FOXP1: variants seen among roughly 807,000 people sequenced by gnomAD.
FOXP1 encodes the protein forkhead box protein P1.
Under a neutral mutation model 98.2 loss-of-function variants are expected in FOXP1, and 15 were observed. The observed-to-expected ratio is 0.15, with a 90% CI of 0.10 to 0.24. The LOEUF is 0.24. FOXP1 is among the 10% of genes least tolerant of loss of function. The pLI is 1.00. For missense variants in FOXP1, 633 were observed against 848.5 expected (o/e 0.75, Z 3.15); for synonymous variants, 371 against 314.5 (o/e 1.18, Z -1.90).
intron 3 of FOXP1, among the ~76,000 whole-genome samples, chr3:71,421,637 C>T (rs2083656104): frequency 6.6e-6 from 1 of 152,136 alleles, no homozygotes; most frequent in Non-Finnish European, 1.5e-5. Flanking sequence ...GACAGAGACA[C>T]CTGCGTAGTG....
chr3:71,357,488 T>A (rs2078242276), intron 4 of FOXP1, among the ~76,000 whole-genome samples: 1 of 152,202 alleles, frequency 6.6e-6, no homozygotes, highest in Admixed American at 6.5e-5. Context: ...ACAGCATGAT[T>A]TCGTAAAAGT....
intron 19 of FOXP1, 106 bp from the exon 20 acceptor site, chr3:70,966,162 A>T: frequency 3.0e-6 from 3 of 995,988 alleles, no homozygotes; most frequent in Non-Finnish European, 4.7e-6. Flanking sequence ...TAATTGTAGC[A>T]TGGCTGGCAA....
At chr3:70,976,824 TTAAGAG>T (rs1413444954) in intron 17 of FOXP1, 111 bp downstream of exon 17, 2 of 755,384 alleles carry the variant, frequency 2.6e-6, no homozygotes, top group African/African-American at 3.4e-5. Flanking sequence ...ATTGGACACT[TTAAGAG>T]TATCAAAACA....
chr3:71,413,107 T>C, intron 3 of FOXP1, among the ~76,000 whole-genome samples: 1 of 146,968 alleles, frequency 6.8e-6, no homozygotes, highest in African/African-American at 2.5e-5. Flanking sequence ...AACCGGCTAT[T>C]CAGCTAAAAC....
In FOXP1 at chr3:71,491,009, C is replaced by CT. The variant is rs547306720; in HGVS notation, c.-168+2416dup. 7.5e-3 allele frequency among the ~76,000 whole-genome samples: 1,140 copies of CT among 152,150 alleles called. 17 individuals are homozygous for CT. Among genetic ancestry groups the CT allele is most frequent in the African/African-American group, 0.026 (1,080 of 41,524 alleles). ...TCTACCTGAATTCCTAAAGATATGACTTTTTTTATTATTATTATTATTTTG... is the reference window on the plus strand; with the variant it reads ...TCTACCTGAATTCCTAAAGATATGACTTTTTTTTATTATTATTATTATTTTG... On this transcript the variant is annotated intron_variant, in intron 3 of 20. Coordinates refer to ENST00000649528, the MANE Select transcript of FOXP1 (RefSeq NM_001349338.3).
intron 13 of FOXP1, among the ~76,000 whole-genome samples, chr3:70,988,909 C>CCCCTA (rs2040180752): frequency 6.6e-6 from 1 of 151,896 alleles, no homozygotes; most frequent in Non-Finnish European, 1.5e-5. Flanking sequence ...AAGGGATAGT[C>CCCCTA]AAGAGAACAG....
intron 6 of FOXP1, 41 bp from the exon 7 acceptor site, chr3:71,112,678 G>T (rs2107749344): frequency 7.0e-7 from 1 of 1,426,816 alleles, no homozygotes; most frequent in Non-Finnish European, 9.9e-7. Context: ...TTACTACACA[G>T]GTTCAGGGGA....
At chr3:71,482,367 CTT>C (rs11464442) in intron 3 of FOXP1, among the ~76,000 whole-genome samples, 166 of 114,092 alleles carry the variant, frequency 1.5e-3, no homozygotes, top group African/African-American at 2.9e-3. Flanking sequence ...AATACATAAC[CTT>C]TTTTTTTTTT....
At chr3:71,137,745 T>C (rs1217550327) in intron 6 of FOXP1, among the ~76,000 whole-genome samples, 1 of 151,990 alleles carries the variant, frequency 6.6e-6, no homozygotes, top group African/African-American at 2.4e-5. Flanking sequence ...TGGTGCCCAC[T>C]AACCTACCAA....
intron 7 of FOXP1, among the ~76,000 whole-genome samples, chr3:71,061,168 C>T (rs553385158): frequency 3.9e-5 from 6 of 152,066 alleles, no homozygotes; most frequent in Non-Finnish European, 5.9e-5. Flanking sequence ...AAGTATTGCA[C>T]GCTCTGAAAG....
At chr3:71,464,029 G>A (rs2088439023) in intron 3 of FOXP1, among the ~76,000 whole-genome samples, 1 of 152,182 alleles carries the variant, frequency 6.6e-6, no homozygotes, top group South Asian at 2.1e-4. Context: ...TTCTATCCCA[G>A]CACTTTGGGA....
At chr3:71,441,765 C>A (rs963379020) in intron 3 of FOXP1, among the ~76,000 whole-genome samples, 2 of 152,166 alleles carry the variant, frequency 1.3e-5, no homozygotes, top group Admixed American at 6.5e-5. Context: ...CAACAAGACA[C>A]GCTATAGAGA....
chr3:71,535,835 T>G (rs1415715865), intron 2 of FOXP1, among the ~76,000 whole-genome samples: 1 of 152,172 alleles, frequency 6.6e-6, no homozygotes, highest in Admixed American at 6.5e-5. Flanking sequence ...CCCAGAGTCC[T>G]AAAGATATCC....
chr3:71,390,886 T>A (rs998931973), intron 3 of FOXP1, among the ~76,000 whole-genome samples: 9 of 152,254 alleles, frequency 5.9e-5, no homozygotes, highest in Non-Finnish European at 1.0e-4. Context: ...GTTATCAAAC[T>A]CTGCCCTCCC....
At chr3:71,353,062 G>C (rs1281430643) in intron 4 of FOXP1, among the ~76,000 whole-genome samples, 1 of 152,148 alleles carries the variant, frequency 6.6e-6, no homozygotes, top group Non-Finnish European at 1.5e-5. Flanking sequence ...GGAATACCCA[G>C]GGCAAAACCT....
chr3:71,567,621 C>T (rs1200685329), intron 2 of FOXP1, among the ~76,000 whole-genome samples: 1 of 152,170 alleles, frequency 6.6e-6, no homozygotes, highest in African/African-American at 2.4e-5. Flanking sequence ...TGCAGTGGTA[C>T]CGCACGTCCA....
intron 5 of FOXP1, among the ~76,000 whole-genome samples, chr3:71,236,798 A>C (rs943854409): frequency 5.9e-5 from 9 of 151,962 alleles, no homozygotes; most frequent in Admixed American, 3.9e-4. Context: ...GTTTGAGCCC[A>C]GGTGGCTGAG....
At chr3:71,349,691 A>G (rs1255857040) in intron 4 of FOXP1, among the ~76,000 whole-genome samples, 1 of 152,214 alleles carries the variant, frequency 6.6e-6, no homozygotes, top group Non-Finnish European at 1.5e-5. Flanking sequence ...TATATCAAGT[A>G]GCTAAATGGA....
chr3:71,071,928 T>C (rs1375016066), intron 7 of FOXP1, among the ~76,000 whole-genome samples: 1 of 152,144 alleles, frequency 6.6e-6, no homozygotes, highest in Admixed American at 6.5e-5. Flanking sequence ...CTATCATTAC[T>C]GGTATCCTTA....
Sources: allele counts gnomAD v4.1 joint callset (sites outside exome capture counted in the v4.1 genomes callset), GRCh38; gene constraint gnomAD v4.1.1; transcripts MANE v1.5; gene names NCBI Gene and HGNC (gene_info 2026-07-23, HGNC 2026-07-21).